AHRR: variants seen among roughly 807,000 people sequenced by gnomAD.
The protein encoded by AHRR is aryl hydrocarbon receptor repressor.
Under a neutral mutation model 44.0 loss-of-function variants are expected in AHRR, and 28 were observed. The observed-to-expected ratio is 0.64, with a 90% CI of 0.47 to 0.87. AHRR has a LOEUF of 0.87. Among genes scored for constraint, AHRR ranks in the 40% least tolerant of loss-of-function variants. The pLI is 0.00. For synonymous variants in AHRR, 434 were observed against 407.0 expected (o/e 1.07, Z -0.80); for missense variants, 990 against 953.9 (o/e 1.04, Z -0.50).
chr5:353,470 C>G (rs1742930022), intron 2 of AHRR, among the ~76,000 whole-genome samples: 1 of 152,186 alleles, frequency 6.6e-6, no homozygotes, highest in South Asian at 2.1e-4. Flanking sequence ...TGTCTCCGTG[C>G]TCTGAGCTGC....
intron 4 of AHRR, among the ~76,000 whole-genome samples, chr5:382,996 A>G (rs1303096555): frequency 1.3e-5 from 2 of 152,088 alleles, no homozygotes; most frequent in Non-Finnish European, 2.9e-5. Flanking sequence ...AATGGTTTCT[A>G]ATTTTACTTG....
chr5:399,207 A>C (rs1237945632), intron 4 of AHRR, among the ~76,000 whole-genome samples: 1 of 152,216 alleles, frequency 6.6e-6, no homozygotes, highest in African/African-American at 2.4e-5. Context: ...CTGGTGGTGC[A>C]GGACACACCC....
chr5:378,822 G>A (rs1438048517), intron 4 of AHRR, among the ~76,000 whole-genome samples: 3 of 152,252 alleles, frequency 2.0e-5, no homozygotes, highest in Non-Finnish European at 1.5e-5. Context: ...TGGAGCCACG[G>A]ATGTGGCCTG....
chr5:403,867 T>G lies in AHRR; in HGVS notation c.352-9477T>G, dbSNP rs986848442. 5.1e-5 allele frequency: 81 copies of G among 1,589,032 alleles called. No homozygotes were observed. In the East Asian group the frequency reaches 1.3e-3, roughly 26 times the overall value. On this transcript the variant is annotated intron_variant, in intron 4 of 10. Coordinates refer to ENST00000684583, the MANE Select transcript of AHRR (RefSeq NM_001377236.1). ...AGGACAAAGAACCCACATTAAAGCT[T>G]TTCCTCCTTGAACAGCTTGTGGCCT...
chr5:364,904 T>A (rs747822571), intron 3 of AHRR, among the ~76,000 whole-genome samples: 8 of 152,024 alleles, frequency 5.3e-5, no homozygotes, highest in Non-Finnish European at 1.2e-4. Flanking sequence ...ATAGAGAGAA[T>A]CACTATGTAA....
chr5:376,513 T>G (rs1733666043), intron 3 of AHRR, 97 bp from the exon 4 acceptor site: 59 of 1,307,514 alleles, frequency 4.5e-5, no homozygotes, highest in South Asian at 1.4e-4. Flanking sequence ...GTGAGAACCG[T>G]GGGGTGAACG....
chr5:350,619 G>A (rs1040978239), intron 2 of AHRR, among the ~76,000 whole-genome samples: 1 of 152,114 alleles, frequency 6.6e-6, no homozygotes, highest in South Asian at 2.1e-4. Flanking sequence ...TGCTCCCCTT[G>A]TTTTCTGGGG....
chr5:433,875 A>T lies in AHRR; in HGVS notation c.1135A>T (p.Arg379Trp). The T allele has an allele frequency of 6.6e-7, 1 of 1,507,226 alleles. No individual in the cohort carries two copies. Among genetic ancestry groups the T allele is most frequent in the Non-Finnish European group, 8.8e-7 (1 of 1,130,860 alleles). The allele number at this position is 1,507,226 out of a possible 1,614,324, so 93.4% of individuals were successfully genotyped here. The change falls in exon 11 of 11, where the codon AGG becomes TGG. Residue 379 changes from arginine (R) to tryptophan (W), a missense_variant. Physicochemically the swap from Arg to Trp is moderately radical, Grantham distance 101. Transcript: ENST00000684583. The stretch of plus-strand genomic sequence containing the variant: ...CAGGGACAGGGAGGAGGAGCAGCAC[A>T]GGATGCTGAGCAGGGCCTCTGGAGT... The part of the protein sequence containing the change: ...GSGDREEEQH[R>W]MLSRASGVTG...
intron 8 of AHRR, chr5:432,108 C>CATAA: frequency 3.5e-6 from 1 of 288,214 alleles, no homozygotes; most frequent in Non-Finnish European, 6.7e-6. Flanking sequence ...CTTCCTGGAA[C>CATAA]ATAACTACCT....
chr5:413,660 G>C (rs960150966), intron 5 of AHRR, among the ~76,000 whole-genome samples: 5 of 152,178 alleles, frequency 3.3e-5, no homozygotes, highest in Non-Finnish European at 7.3e-5. Flanking sequence ...GGGTGTTCTG[G>C]TCTAAGGCAG....
intron 4 of AHRR, among the ~76,000 whole-genome samples, chr5:412,594 C>T (rs1003691734): frequency 6.6e-6 from 1 of 152,064 alleles, no homozygotes; most frequent in Non-Finnish European, 1.5e-5. Context: ...GGGCTTACCA[C>T]ATGAAGTACA....
chr5:423,937 G>GCCCCCC lies in AHRR; in HGVS notation c.670_671insCCCCCC (p.Cys223_Arg224insProPro). 6.2e-7 allele frequency: 1 copy of GCCCCCC among 1,601,926 alleles called. No homozygotes were observed. The highest frequency in any genetic ancestry group is 1.7e-4 in the Middle Eastern group (1 of 6,038). ...GCCTTCCTGACCCGCTGCTTCATCTGCCGTGTGCGCTGCCTGCTGGACAGC... is the reference window on the plus strand; with the variant it reads ...GCCTTCCTGACCCGCTGCTTCATCTGCCCCCCCCGTGTGCGCTGCCTGCTGGACAGC... On this transcript the variant is annotated inframe_insertion, in exon 7 of 11. Transcript: ENST00000684583.
At chr5:335,344 G>A (rs1040583397) in intron 1 of AHRR, among the ~76,000 whole-genome samples, 4 of 151,990 alleles carry the variant, frequency 2.6e-5, no homozygotes, top group East Asian at 1.9e-4. Flanking sequence ...GGTTGCAATC[G>A]GCTGTGCTGG....
intron 3 of AHRR, 62 bp from the exon 4 acceptor site, chr5:376,548 A>AAGAATGAGAACCGTGGGG (rs1733682431): frequency 6.4e-6 from 9 of 1,416,390 alleles, no homozygotes; most frequent in South Asian, 4.2e-5. Context: ...AAAGATGTGA[A>AAGAATGAGAACCGTGGGG]TGAAGAAGAG....
chr5:360,865 T>C (rs976031765), intron 3 of AHRR, among the ~76,000 whole-genome samples: 1 of 152,152 alleles, frequency 6.6e-6, no homozygotes, highest in Non-Finnish European at 1.5e-5. Context: ...TAGTGAAACG[T>C]CAGAGGAGAG....
chr5:331,541 G>A (rs936511878), intron 1 of AHRR, among the ~76,000 whole-genome samples: 2 of 152,056 alleles, frequency 1.3e-5, no homozygotes, highest in African/African-American at 4.8e-5. Flanking sequence ...AGTTCTTTGA[G>A]GCACATAATT....
At chr5:350,929 A>G (rs968995329) in intron 2 of AHRR, among the ~76,000 whole-genome samples, 7 of 152,022 alleles carry the variant, frequency 4.6e-5, no homozygotes, top group Non-Finnish European at 8.8e-5. Flanking sequence ...AACCCAATTT[A>G]AAACTGGGCA....
intron 2 of AHRR, among the ~76,000 whole-genome samples, chr5:349,448 C>T (rs367948375): frequency 1.3e-5 from 2 of 151,928 alleles, no homozygotes; most frequent in East Asian, 1.9e-4. Context: ...GGCACGGTGG[C>T]GGGCGCCTGT....
intron 3 of AHRR, among the ~76,000 whole-genome samples, chr5:372,096 G>C (rs1743598438): frequency 1.3e-5 from 2 of 152,224 alleles, no homozygotes; most frequent in Non-Finnish European, 2.9e-5. Flanking sequence ...GTTTCTGCTG[G>C]TTGAGCTCCT....
Sources: allele counts gnomAD v4.1 joint callset (sites outside exome capture counted in the v4.1 genomes callset), GRCh38; gene constraint gnomAD v4.1.1; transcripts MANE v1.5; gene names NCBI Gene and HGNC (gene_info 2026-07-23, HGNC 2026-07-21).